TOP6BL: variants seen among roughly 807,000 people sequenced by gnomAD.
TOP6BL encodes the protein TOP6B like initiator of meiotic double strand breaks, also known as type 2 DNA topoisomerase 6 subunit B-like.
chr11:66,799,961 G>A, the TOP6BL span, among the ~76,000 whole-genome samples: 1 of 151,410 alleles, frequency 6.6e-6, no homozygotes, highest in African/African-American at 2.4e-5. Context: ...CATGCCTGTG[G>A]TCCCAACTAC....
chr11:66,744,986 C>T, the TOP6BL span: 1 of 1,233,812 alleles, frequency 8.1e-7, no homozygotes, highest in Non-Finnish European at 1.0e-6. Context: ...GAGGAGACCG[C>T]GAAGTTTGGG....
the TOP6BL span, among the ~76,000 whole-genome samples, chr11:66,832,978 A>G: frequency 1.3e-5 from 2 of 151,188 alleles, no homozygotes; most frequent in Non-Finnish European, 2.9e-5. Flanking sequence ...TGTAGTTTGC[A>G]TAACTCCAAA....
the TOP6BL span, among the ~76,000 whole-genome samples, chr11:66,752,700 A>G: frequency 2.6e-5 from 4 of 151,296 alleles, no homozygotes; most frequent in Admixed American, 1.3e-4. Context: ...CGATCCACCC[A>G]CCTCAGCCTC....
At chr11:66,843,233 G>C in the TOP6BL span, 1 of 1,609,180 alleles carries the variant, frequency 6.2e-7, no homozygotes, top group Non-Finnish European at 8.5e-7. Flanking sequence ...CCTGGGCCCT[G>C]AGCCGGGTCC....
chr11:66,796,387 A>G, the TOP6BL span: 3 of 1,550,820 alleles, frequency 1.9e-6, no homozygotes, highest in Non-Finnish European at 2.7e-6. Context: ...TTTGTACAAT[A>G]ATGATTCTCT....
the TOP6BL span, among the ~76,000 whole-genome samples, chr11:66,828,957 A>AGT: frequency 1.3e-5 from 2 of 149,698 alleles, no homozygotes; most frequent in African/African-American, 4.9e-5. Context: ...AAAAGATAAA[A>AGT]GTGTGTGTGT....
chr11:66,777,680 C>T, the TOP6BL span, among the ~76,000 whole-genome samples: 3 of 152,024 alleles, frequency 2.0e-5, no homozygotes, highest in Non-Finnish European at 4.4e-5. Context: ...CACTTGAGGT[C>T]AGGAGTTCAA....
At chr11:66,813,063 C>G in the TOP6BL span, among the ~76,000 whole-genome samples, 1 of 152,102 alleles carries the variant, frequency 6.6e-6, no homozygotes. Context: ...GGAGACAATC[C>G]GAGGAAGTTT....
the TOP6BL span, among the ~76,000 whole-genome samples, chr11:66,784,155 C>T: frequency 3.9e-5 from 6 of 152,016 alleles, no homozygotes; most frequent in South Asian, 2.1e-4. Context: ...CTCAGCCTCC[C>T]GAGTAGCTGG....
the TOP6BL span, chr11:66,843,042 C>T: frequency 6.4e-7 from 1 of 1,559,170 alleles, no homozygotes; most frequent in Non-Finnish European, 8.7e-7. Flanking sequence ...TGGCGCCGGG[C>T]AGGGCGAGCC....
the TOP6BL span, among the ~76,000 whole-genome samples, chr11:66,798,735 C>T: frequency 6.6e-6 from 1 of 151,054 alleles, no homozygotes; most frequent in African/African-American, 2.4e-5. Flanking sequence ...AGAATTTAAA[C>T]ACAGGCAAGC....
chr11:66,744,910 CG>C, the TOP6BL span: 1 of 1,264,036 alleles, frequency 7.9e-7, no homozygotes, highest in Non-Finnish European at 1.0e-6. Flanking sequence ...CGGCCGTGGC[CG>C]TGTTCGAGGT....
At chr11:66,745,313 G>C in the TOP6BL span, among the ~76,000 whole-genome samples, 19 of 144,576 alleles carry the variant, frequency 1.3e-4, no homozygotes, top group East Asian at 1.7e-3. Context: ...GCGGGGCGGG[G>C]TGGGGGGAGT....
chr11:66,764,184 T>C, the TOP6BL span, among the ~76,000 whole-genome samples: 17 of 152,160 alleles, frequency 1.1e-4, no homozygotes, highest in African/African-American at 4.1e-4. Context: ...TCTGAGACTT[T>C]TGGGAGATCT....
the TOP6BL span, among the ~76,000 whole-genome samples, chr11:66,746,546 C>A: frequency 6.6e-6 from 1 of 152,126 alleles, no homozygotes; most frequent in African/African-American, 2.4e-5. Context: ...GAAACTCCGT[C>A]ACTACTAAAA....
At chr11:66,782,758 A>G in the TOP6BL span, among the ~76,000 whole-genome samples, 1 of 152,198 alleles carries the variant, frequency 6.6e-6, no homozygotes, top group Non-Finnish European at 1.5e-5. Context: ...TCATTTGGTT[A>G]TTTCATTAAT....
the TOP6BL span, among the ~76,000 whole-genome samples, chr11:66,798,419 G>A: frequency 1.3e-5 from 2 of 151,878 alleles, no homozygotes; most frequent in Non-Finnish European, 2.9e-5. Flanking sequence ...GGGCAAGATG[G>A]TGAAACTCTG....
chr11:66,828,618 G>C, the TOP6BL span: 3 of 402,212 alleles, frequency 7.5e-6, no homozygotes, highest in Non-Finnish European at 9.2e-6. Flanking sequence ...TTTCAGGCAG[G>C]AGGGTAGATT....
the TOP6BL span, chr11:66,801,058 T>C: frequency 6.2e-7 from 1 of 1,613,932 alleles, no homozygotes; most frequent in South Asian, 1.1e-5. Flanking sequence ...CTTTGAACCT[T>C]GGGAATGGAA....
Sources: allele counts gnomAD v4.1 joint callset (sites outside exome capture counted in the v4.1 genomes callset), GRCh38; gene constraint gnomAD v4.1.1; transcripts MANE v1.5; gene names NCBI Gene and HGNC (gene_info 2026-07-23, HGNC 2026-07-21).